PTPRA: variants seen among roughly 807,000 people sequenced by gnomAD.
PTPRA encodes the protein protein tyrosine phosphatase receptor type A.
A neutral mutation model predicts 104.8 loss-of-function variants in PTPRA; 25 were observed. The ratio of observed to expected loss-of-function variants is 0.24; its 90% CI spans 0.17 to 0.33. The LOEUF is 0.33. PTPRA is among the 10% of genes least tolerant of loss of function. PTPRA has a pLI of 1.00. For missense variants in PTPRA, 765 were observed against 1,015.3 expected, an observed-to-expected ratio of 0.75 and a Z score of 3.35; for synonymous variants, 323 against 368.9, an observed-to-expected ratio of 0.88 and a Z score of 1.43.
intron 2 of PTPRA, among the ~76,000 whole-genome samples, chr20:2,923,832 G>T (rs1000087777): frequency 6.6e-6 from 1 of 152,022 alleles, no homozygotes; most frequent in Non-Finnish European, 1.5e-5. Context: ...CAAAGTTAAT[G>T]CCCTGCCAGC....
At chr20:2,901,577 C>T (rs1292843185) in intron 1 of PTPRA, among the ~76,000 whole-genome samples, 1 of 151,986 alleles carries the variant, frequency 6.6e-6, no homozygotes, top group Non-Finnish European at 1.5e-5. Context: ...AAGTTCTTGC[C>T]TTAGAAATGC....
At chr20:2,998,318 T>C (rs939279048) in intron 9 of PTPRA, among the ~76,000 whole-genome samples, 1 of 152,186 alleles carries the variant, frequency 6.6e-6, no homozygotes, top group African/African-American at 2.4e-5. Context: ...TCACATCTCT[T>C]AGATTGCCAG....
chr20:2,933,597 A>C (rs1326257270), intron 2 of PTPRA, among the ~76,000 whole-genome samples: 1 of 151,954 alleles, frequency 6.6e-6, no homozygotes, highest in Admixed American at 6.6e-5. Flanking sequence ...AGTAGCTGGG[A>C]TTACAGGCGC....
intron 1 of PTPRA, among the ~76,000 whole-genome samples, chr20:2,913,276 G>C (rs2059787956): frequency 6.6e-6 from 1 of 152,142 alleles, no homozygotes; most frequent in African/African-American, 2.4e-5. Context: ...TACTCAGGAG[G>C]CTGAGGCATG....
chr20:2,864,576 G>A, the PTPRA span: 2 of 1,614,176 alleles, frequency 1.2e-6, no homozygotes, highest in Admixed American at 3.3e-5. The surrounding 1 kb of genome is among the most constrained non-coding windows in gnomAD (Gnocchi z 5.2). Flanking sequence ...TAGAGACGCT[G>A]AAGGACCTTT....
At position 3,019,358 on chromosome 20, in the gene PTPRA, C is replaced by G. The variant is rs1216537456; in HGVS notation, c.1041+1445C>G. Among the ~76,000 whole-genome samples the G allele has an allele frequency of 1.4e-4, 20 of 138,188 alleles. 1 individual carries two copies. In the South Asian group the frequency reaches 3.3e-3, roughly 23 times the overall value. 90.7% of individuals were successfully genotyped at this position (138,188 alleles called of 152,430 possible). A position where few individuals can be genotyped will look rare whatever the true frequency, so the allele number is the denominator to read the frequency against. On this transcript the variant is annotated intron_variant, in intron 13 of 23. Transcript: ENST00000399903. ...CGGAGGGGCTCCTCACTTCTCAGAC[C>G]GGGCGGCTGCTGGGCGGAGGGGCTC...
intron 1 of PTPRA, among the ~76,000 whole-genome samples, chr20:2,920,079 G>A (rs937975384): frequency 1.4e-4 from 22 of 152,316 alleles, no homozygotes; most frequent in Admixed American, 6.5e-5. Context: ...CATTTACTGT[G>A]TGGCTCTTTA....
chr20:2,880,847 A>G (rs1655728035), intron 1 of PTPRA, among the ~76,000 whole-genome samples: 1 of 152,058 alleles, frequency 6.6e-6, no homozygotes, highest in Non-Finnish European at 1.5e-5. Context: ...CCCCATCTCT[A>G]CCAAAAATAA....
chr20:2,951,826 A>C (rs2061363985), intron 3 of PTPRA, among the ~76,000 whole-genome samples: 1 of 152,296 alleles, frequency 6.6e-6, no homozygotes, highest in Non-Finnish European at 1.5e-5. Flanking sequence ...TGTTGGCCTC[A>C]TCATATTTGA....
rs192185945 is a variant in PTPRA, at chr20:2,994,254, C to T, written c.738+5780C>T. ...GGGTTCCTCCTTACAGATGCCTGGC[C>T]TCCCTGTTATTGAAGGGTTCTGGGT... On this transcript the variant is annotated intron_variant, in intron 9 of 23. Transcript: ENST00000399903. 1.2e-3 allele frequency among the ~76,000 whole-genome samples: 181 copies of T among 152,272 alleles called. 2 individuals are homozygous for T. The highest frequency in any genetic ancestry group is 4.1e-3 in the African/African-American group (170 of 41,560).
chr20:2,953,677 G>A (rs974571974), intron 3 of PTPRA, among the ~76,000 whole-genome samples: 1 of 150,114 alleles, frequency 6.7e-6, no homozygotes, highest in South Asian at 2.1e-4. Flanking sequence ...ACGTGATCTC[G>A]GCTCACCTCA....
intron 1 of PTPRA, among the ~76,000 whole-genome samples, chr20:2,882,145 T>C (rs544183590): frequency 5.9e-5 from 9 of 152,338 alleles, no homozygotes; most frequent in African/African-American, 1.9e-4. Context: ...TGTTGGAAGA[T>C]GTATAGAAAA....
chr20:2,933,766 T>C (rs191657903), intron 2 of PTPRA, among the ~76,000 whole-genome samples: 1 of 152,290 alleles, frequency 6.6e-6, no homozygotes, highest in East Asian at 1.9e-4. Context: ...CAGCCTTTTC[T>C]AGTTTTTTTA....
At position 3,022,883 on chromosome 20, in the gene PTPRA, C is replaced by T; in HGVS notation, c.1464+59C>T. 6.2e-7 allele frequency: 1 copy of T among 1,607,750 alleles called. No homozygotes were observed. The highest frequency in any genetic ancestry group is 8.5e-7 in the Non-Finnish European group (1 of 1,176,622). ...GTTCCAGGACTAAAACATCTGCCCA[C>T]ATTGAGGATTCACTCAGTCTCACAG... On this transcript the variant is annotated intron_variant, in intron 16 of 23. Coordinates refer to ENST00000399903, the MANE Select transcript of PTPRA (RefSeq NM_001385305.1). This position sits in a 1 kb window ranked among gnomAD's most constrained non-coding sequence, Gnocchi z 4.6.
At chr20:2,995,298 T>C (rs1165547343) in intron 9 of PTPRA, among the ~76,000 whole-genome samples, 1 of 152,192 alleles carries the variant, frequency 6.6e-6, no homozygotes, top group African/African-American at 2.4e-5. Context: ...TTTCCCCCGC[T>C]GTAGAGACGG....
intron 9 of PTPRA, among the ~76,000 whole-genome samples, chr20:2,994,852 G>A (rs2148205923): frequency 6.6e-6 from 1 of 152,312 alleles, no homozygotes; most frequent in Middle Eastern, 3.4e-3. Flanking sequence ...TATCCAGGCT[G>A]GGCACAATGG....
At chr20:3,010,231 A>G (rs576424501) in intron 11 of PTPRA, among the ~76,000 whole-genome samples, 2 of 152,146 alleles carry the variant, frequency 1.3e-5, no homozygotes, top group Admixed American at 1.3e-4. Flanking sequence ...TCAGTGACAT[A>G]CTTACAAAAC....
At chr20:2,948,795 GA>G (rs960771609) in intron 3 of PTPRA, among the ~76,000 whole-genome samples, 92 of 150,446 alleles carry the variant, frequency 6.1e-4, no homozygotes, top group African/African-American at 2.1e-3. Context: ...ACTAAAAATA[GA>G]AAAAAATTAG....
At chr20:2,955,948 C>T (rs1282263070) in intron 3 of PTPRA, among the ~76,000 whole-genome samples, 1 of 152,148 alleles carries the variant, frequency 6.6e-6, no homozygotes, top group Admixed American at 6.5e-5. Flanking sequence ...CATGTTCAAA[C>T]TAACCTCATC....
Sources: allele counts gnomAD v4.1 joint callset (sites outside exome capture counted in the v4.1 genomes callset), GRCh38; gene constraint gnomAD v4.1.1; non-coding constraint Gnocchi (gnomAD v3.1); transcripts MANE v1.5; gene names NCBI Gene and HGNC (gene_info 2026-07-23, HGNC 2026-07-21).